The following ATP2B4 variants were observed in gnomAD, a reference collection of about 807,000 sequenced individuals.
ATP2B4 encodes the protein plasma membrane calcium-transporting ATPase 4.
Under a neutral mutation model 110.3 loss-of-function variants are expected in ATP2B4, and 39 were observed. The observed-to-expected ratio is 0.35, with a 90% CI of 0.27 to 0.46. The LOEUF (loss-of-function observed/expected upper bound fraction) is 0.46, where lower values mean the gene tolerates loss of function less well. ATP2B4 is among the 20% of genes least tolerant of loss of function. The pLI is 1.00. For synonymous variants in ATP2B4, 538 were observed against 571.7 expected, an observed-to-expected ratio of 0.94 and a Z score of 0.84; for missense variants, 1,135 against 1,530.9, an observed-to-expected ratio of 0.74 and a Z score of 4.32.
intron 1 of ATP2B4, among the ~76,000 whole-genome samples, chr1:203,678,551 G>A (rs766370892): frequency 2.6e-5 from 4 of 152,026 alleles, no homozygotes; most frequent in Non-Finnish European, 5.9e-5. Flanking sequence ...CCACAGGTGT[G>A]CGCCATCATG....
intron 1 of ATP2B4, among the ~76,000 whole-genome samples, chr1:203,661,380 G>A (rs1191559282): frequency 6.6e-6 from 1 of 152,154 alleles, no homozygotes; most frequent in African/African-American, 2.4e-5. Flanking sequence ...TGTAAAATGG[G>A]AGTGATACGA....
chr1:203,712,069 C>T lies in ATP2B4; in HGVS notation c.2141C>T (p.Thr714Ile), dbSNP rs1169876606. ...ATTGCCACCAAATGTGGCATTCTGA[C>T]ACCTGGGGATGACTTCCTGTGCTTA... ...RAIATKCGIL[T>I]PGDDFLCLEG... Residue 714 changes from threonine to isoleucine, a missense_variant, in exon 13 of 21, where the codon ACA becomes ATA. Thr to Ile is a moderately conservative substitution (Grantham distance 89). This residue lies in a region of ATP2B4 where 368 missense variants were observed against 455.9 expected (regional missense o/e 0.81). Coordinates refer to ENST00000357681, the MANE Select transcript of ATP2B4 (RefSeq NM_001684.5). 1.2e-6 allele frequency: 2 copies of T among 1,614,076 alleles called. No homozygotes were observed. The highest frequency in any genetic ancestry group is 2.7e-5 in the African/African-American group (2 of 74,932).
intron 20 of ATP2B4, among the ~76,000 whole-genome samples, chr1:203,731,187 C>G (rs2102232476): frequency 6.6e-6 from 1 of 152,234 alleles, no homozygotes; most frequent in South Asian, 2.1e-4. Flanking sequence ...CTCCTCAGTC[C>G]CAGGGAACTA....
At chr1:203,636,011 CAG>C (rs746504216) in intron 1 of ATP2B4, among the ~76,000 whole-genome samples, 2 of 152,202 alleles carry the variant, frequency 1.3e-5, no homozygotes, top group Non-Finnish European at 2.9e-5. Context: ...GGTAGGATGA[CAG>C]GCATTCTCCC....
At chr1:203,709,185 C>A in intron 10 of ATP2B4, 116 bp from the exon 11 acceptor site, 1 of 1,383,924 alleles carries the variant, frequency 7.2e-7, no homozygotes, top group Non-Finnish European at 9.9e-7. Flanking sequence ...ATGTTATTTC[C>A]CCTATGAGCT....
intron 16 of ATP2B4, 151 bp downstream of exon 16, chr1:203,720,891 C>T: frequency 1.0e-6 from 1 of 997,996 alleles, no homozygotes; most frequent in Admixed American, 2.9e-5. Context: ...CTGCTGTCTT[C>T]ATCTGCTTAT....
Position 203,635,078 on chromosome 1 carries a change from G to A in ATP2B4, c.-465+7859G>A, listed in dbSNP as rs111341192. Among the ~76,000 whole-genome samples, 328 of 152,108 alleles carry A rather than the reference G, an allele frequency of 2.2e-3. 1 individual carries two copies. Among genetic ancestry groups the A allele is most frequent in the Non-Finnish European group, 3.6e-3 (248 of 67,992 alleles). ...CAACCTCCGCCTCCTGATTTCAAAC[G>A]ATTCTCCTGCCTCAGCCTCCTGAGT... On this transcript the variant is annotated intron_variant, in intron 1 of 20. Transcript: ENST00000357681.
chr1:203,698,245 A>G lies in ATP2B4; in HGVS notation c.282A>G (p.Leu94=), dbSNP rs1160853448. Residue 94 remains leucine (L), a synonymous_variant, in exon 3 of 21, where the codon TTA becomes TTG. Coordinates refer to ENST00000357681, the MANE Select transcript of ATP2B4 (RefSeq NM_001684.5). ...CCCCCAAAAAGCCCAAGACTTTCTT[A>G]GAATTAGTGTGGGAAGCTCTTCAAG... ...VIPPKKPKTF[L]ELVWEALQDV... 6.2e-7 allele frequency: 1 copy of G among 1,614,202 alleles called. No homozygotes were observed.
At chr1:203,647,994 G>A (rs1663856648) in intron 1 of ATP2B4, among the ~76,000 whole-genome samples, 1 of 152,180 alleles carries the variant, frequency 6.6e-6, no homozygotes, top group Non-Finnish European at 1.5e-5. Flanking sequence ...AGGCCAACTT[G>A]TGTTTGAAGT....
At chr1:203,646,905 G>A (rs566461708) in intron 1 of ATP2B4, among the ~76,000 whole-genome samples, 59 of 152,212 alleles carry the variant, frequency 3.9e-4, no homozygotes, top group Admixed American at 5.9e-4. Context: ...CTAACATTTT[G>A]GTGTAGTCTC....
chr1:203,728,249 C>T (rs187907550), intron 20 of ATP2B4: 344 of 465,676 alleles, frequency 7.4e-4, no homozygotes, highest in Non-Finnish European at 1.3e-3. Context: ...GGATAGAAGC[C>T]ACCCCTGCTG....
At chr1:203,657,732 T>G (rs1439689263) in intron 1 of ATP2B4, 2 of 729,048 alleles carry the variant, frequency 2.7e-6, no homozygotes, top group Non-Finnish European at 5.0e-6. Context: ...GTGTTTATGG[T>G]GTAATTCAAT....
chr1:203,665,497 T>C (rs1664476225), intron 1 of ATP2B4, among the ~76,000 whole-genome samples: 1 of 152,074 alleles, frequency 6.6e-6, no homozygotes, highest in African/African-American at 2.4e-5. Context: ...TGTCCTGCTT[T>C]CCTGTCAAGA....
chr1:203,726,254 G>T (rs1666513117), intron 19 of ATP2B4, among the ~76,000 whole-genome samples: 1 of 151,780 alleles, frequency 6.6e-6, no homozygotes, highest in Admixed American at 6.6e-5. Context: ...AAAATAAAGA[G>T]ATTGGGGTCT....
chr1:203,700,082 A>G, intron 4 of ATP2B4, 124 bp from the exon 5 acceptor site: 2 of 1,179,508 alleles, frequency 1.7e-6, no homozygotes, highest in South Asian at 3.0e-5. Flanking sequence ...ACTCTCGGCC[A>G]TTGCTGTCTA....
intron 1 of ATP2B4, among the ~76,000 whole-genome samples, chr1:203,644,349 T>C (rs1266882623): frequency 6.6e-6 from 1 of 151,974 alleles, no homozygotes; most frequent in Non-Finnish European, 1.5e-5. Context: ...AACTTTACCT[T>C]CTTCCTTCCC....
At chr1:203,701,274 T>C (rs189497336) in intron 6 of ATP2B4, among the ~76,000 whole-genome samples, 247 of 152,302 alleles carry the variant, frequency 1.6e-3, no homozygotes, top group African/African-American at 5.5e-3. Context: ...CCCAACTTTC[T>C]TCCTCAAAGA....
intron 20 of ATP2B4, chr1:203,728,254 C>G (rs1033106580): frequency 2.2e-6 from 1 of 462,930 alleles, no homozygotes; most frequent in African/African-American, 2.0e-5. Flanking sequence ...GAAGCCACCC[C>G]TGCTGCTCTT....
Position 203,700,192 on chromosome 1 carries a change from C to G in ATP2B4, c.650-14C>G. 1 of 1,610,368 alleles carries G rather than the reference C, an allele frequency of 6.2e-7. No individual in the cohort carries two copies. Among genetic ancestry groups the G allele is most frequent in the South Asian group, 1.1e-5 (1 of 90,508 alleles). On this transcript the variant is annotated splice_polypyrimidine_tract_variant and intron_variant, in intron 4 of 20. Transcript: ENST00000357681. Reference sequence around the variant, plus strand: ...TATCTCCTTCACTGTCCCTCCTTCCCCTTTGTGCTCTAGGTGATCTGCTGC... The same window carrying G: ...TATCTCCTTCACTGTCCCTCCTTCCGCTTTGTGCTCTAGGTGATCTGCTGC...
Sources: allele counts gnomAD v4.1 joint callset (sites outside exome capture counted in the v4.1 genomes callset), GRCh38; gene constraint gnomAD v4.1.1; regional missense constraint gnomAD v4.1.1; transcripts MANE v1.5; gene names NCBI Gene and HGNC (gene_info 2026-07-23, HGNC 2026-07-21).